The following VPS13B variants were observed in gnomAD, a reference collection of about 807,000 sequenced individuals.
The protein encoded by VPS13B is vacuolar protein sorting 13 homolog B.
VPS13B carries 285 observed loss-of-function variants against 426.4 expected under a neutral mutation model. The observed-to-expected ratio is 0.67, with a 90% CI of 0.61 to 0.74. The LOEUF is 0.74. Ranked by LOEUF, VPS13B falls within the 30% of genes least tolerant of loss-of-function variation. The probability of loss-of-function intolerance (pLI) is 0.00; values close to 1 mark genes in which losing one functional copy is unlikely to be tolerated. For synonymous variants in VPS13B, 1,676 were observed against 1,676.4 expected (o/e 1.00, Z 0.01); for missense variants, 4,537 against 4,782.6 (o/e 0.95, Z 1.51).
chr8:99,360,122 C>A (rs1223519038), intron 19 of VPS13B, among the ~76,000 whole-genome samples: 1 of 18,606 alleles, frequency 5.4e-5, no homozygotes, highest in Admixed American at 4.9e-4. Context: ...TTTTCCTTAT[C>A]TTTCTTTCTT....
At chr8:99,556,331 A>C in intron 30 of VPS13B, 119 bp from the exon 31 acceptor site, 1 of 1,062,228 alleles carries the variant, frequency 9.4e-7, no homozygotes, top group East Asian at 2.6e-5. Context: ...CAGTTTATTC[A>C]TCAGTAATCC....
At chr8:99,306,359 T>C (rs1219456262) in intron 19 of VPS13B, among the ~76,000 whole-genome samples, 1 of 152,058 alleles carries the variant, frequency 6.6e-6, no homozygotes, top group Non-Finnish European at 1.5e-5. Flanking sequence ...ATGTTTTCAT[T>C]ATATTTTAGG....
chr8:99,801,145 C>T (rs1258261538), intron 43 of VPS13B, among the ~76,000 whole-genome samples: 2 of 152,130 alleles, frequency 1.3e-5, no homozygotes, highest in Admixed American at 6.5e-5. Context: ...ATAGCAGTTA[C>T]TGACCTAAGA....
Position 99,798,872 on chromosome 8 carries a change from T to G in VPS13B, c.7942-10503T>G, listed in dbSNP as rs1282101001. Among the ~76,000 whole-genome samples, 3 of 152,170 alleles carry G rather than the reference T, an allele frequency of 2.0e-5. No individual in the cohort carries two copies. The East Asian group carries it at 5.8e-4, about 29-fold the overall frequency. ...TTTAAATGTGAATTTTAATACAGAG[T>G]ACTTGGAGAAAGGTAATGCAGCTGG... On this transcript the variant is annotated intron_variant, in intron 43 of 61. Coordinates refer to ENST00000357162, the MANE Select transcript of VPS13B (RefSeq NM_152564.5).
intron 33 of VPS13B, among the ~76,000 whole-genome samples, chr8:99,631,448 G>A (rs958421251): frequency 3.9e-5 from 6 of 152,036 alleles, no homozygotes; most frequent in African/African-American, 1.4e-4. Flanking sequence ...TTAAAATTGG[G>A]TACAGTCGTG....
At chr8:99,311,047 T>G (rs1252331796) in intron 19 of VPS13B, among the ~76,000 whole-genome samples, 1 of 152,200 alleles carries the variant, frequency 6.6e-6, no homozygotes, top group African/African-American at 2.4e-5. Flanking sequence ...TGTGTCTATT[T>G]GATTCTTCTC....
intron 24 of VPS13B, among the ~76,000 whole-genome samples, chr8:99,474,174 T>C (rs1036806746): frequency 2.9e-4 from 44 of 149,634 alleles, no homozygotes; most frequent in Admixed American, 2.7e-3. Flanking sequence ...AACAATGGAC[T>C]GTTATCCAAT....
chr8:99,830,915 C>G (rs1815004041), intron 51 of VPS13B, among the ~76,000 whole-genome samples: 1 of 152,044 alleles, frequency 6.6e-6, no homozygotes, highest in South Asian at 2.1e-4. Flanking sequence ...TCTGCTCACC[C>G]TCCTTGGGCT....
rs779652081 is a variant in VPS13B, at chr8:99,868,407, G to A, written c.11334G>A (p.Met3778Ile). 1.9e-6 allele frequency: 3 copies of A among 1,613,982 alleles called. No homozygotes were observed. Among genetic ancestry groups the A allele is most frequent in the African/African-American group, 1.3e-5 (1 of 74,894 alleles). Residue 3778 changes from methionine to isoleucine, a missense_variant, in exon 59 of 62, where the codon ATG becomes ATA. By Grantham distance (10) the Met-to-Ile change is conservative. This residue lies in a region of VPS13B where 4,311 missense variants were observed against 4,474.3 expected (regional missense o/e 0.96). Coordinates refer to ENST00000357162, the MANE Select transcript of VPS13B (RefSeq NM_152564.5). ...TCTCGGGTGTGGGGAAAGGAATCATGGGGGTGTTCACAAAGCCCATCGGAG... is the reference window on the plus strand; with the variant it reads ...TCTCGGGTGTGGGGAAAGGAATCATAGGGGTGTTCACAAAGCCCATCGGAG... ...GVISGVGKGI[M>I]GVFTKPIGGA...
intron 17 of VPS13B, among the ~76,000 whole-genome samples, chr8:99,234,913 C>T (rs1816556371): frequency 6.6e-6 from 1 of 151,392 alleles, no homozygotes; most frequent in South Asian, 2.1e-4. Context: ...TAACAGTATC[C>T]AAGAAAATAA....
intron 59 of VPS13B, among the ~76,000 whole-genome samples, chr8:99,870,222 T>C (rs1817325101): frequency 6.6e-6 from 1 of 152,150 alleles, no homozygotes; most frequent in South Asian, 2.1e-4. Context: ...AGGCTGACAT[T>C]CAGTGACACA....
intron 15 of VPS13B, among the ~76,000 whole-genome samples, chr8:99,160,947 T>G (rs188400888): frequency 3.0e-4 from 46 of 152,284 alleles, no homozygotes; most frequent in Middle Eastern, 3.4e-3. Flanking sequence ...TTCTCAAGGA[T>G]GGCTCCTTTG....
chr8:99,818,979 G>GGGGGGGGGGGGGGT, intron 47 of VPS13B, 91 bp downstream of exon 47: 1 of 839,428 alleles, frequency 1.2e-6, no homozygotes, highest in Non-Finnish European at 1.9e-6. Context: ...CGGGGGAGGG[G>GGGGGGGGGGGGGGT]TGGGTAGGGA....
At chr8:99,639,118 T>C (rs1829194545) in intron 33 of VPS13B, among the ~76,000 whole-genome samples, 1 of 152,206 alleles carries the variant, frequency 6.6e-6, no homozygotes, top group Non-Finnish European at 1.5e-5. Context: ...ATTTTACAAA[T>C]GATATTATAT....
intron 29 of VPS13B, among the ~76,000 whole-genome samples, chr8:99,516,812 A>G (rs1222589084): frequency 6.6e-6 from 1 of 150,692 alleles, no homozygotes; most frequent in African/African-American, 2.4e-5. Context: ...AAAAAAAAAA[A>G]AAAAAAGTAT....
intron 20 of VPS13B, 132 bp downstream of exon 20, chr8:99,384,449 C>A: frequency 2.7e-6 from 2 of 736,530 alleles, no homozygotes; most frequent in Non-Finnish European, 4.5e-6. Context: ...CACCTTACCC[C>A]TTTCAAACAA....
intron 3 of VPS13B, among the ~76,000 whole-genome samples, chr8:99,067,501 GGGGC>G (rs1844597900): frequency 6.6e-6 from 1 of 152,162 alleles, no homozygotes; most frequent in South Asian, 2.1e-4. Context: ...CATGATGTGG[GGGGC>G]AGGGGGAGGG....
At chr8:99,757,991 C>T (rs1322968941) in intron 39 of VPS13B, among the ~76,000 whole-genome samples, 1 of 152,138 alleles carries the variant, frequency 6.6e-6, no homozygotes, top group Non-Finnish European at 1.5e-5. Flanking sequence ...ACTAGATATT[C>T]GGGCTTTCTA....
intron 8 of VPS13B, among the ~76,000 whole-genome samples, chr8:99,124,415 A>G (rs1848091126): frequency 6.6e-6 from 1 of 152,226 alleles, no homozygotes; most frequent in Non-Finnish European, 1.5e-5. Flanking sequence ...TTTTATTTCT[A>G]GGTATGTACT....
Sources: allele counts gnomAD v4.1 joint callset (sites outside exome capture counted in the v4.1 genomes callset), GRCh38; gene constraint gnomAD v4.1.1; regional missense constraint gnomAD v4.1.1; transcripts MANE v1.5; gene names NCBI Gene and HGNC (gene_info 2026-07-23, HGNC 2026-07-21).